ROBO1: variants seen among roughly 807,000 people sequenced by gnomAD.
The protein encoded by ROBO1 is roundabout homolog 1.
Under a neutral mutation model 195.9 loss-of-function variants are expected in ROBO1, and 149 were observed. That is an observed-to-expected ratio of 0.76 (90% CI 0.67 to 0.87). ROBO1 has a LOEUF of 0.87. ROBO1 is among the 40% of genes least tolerant of loss of function. The pLI is 0.00. For synonymous variants in ROBO1, 816 were observed against 733.2 expected, an observed-to-expected ratio of 1.11 and a Z score of -1.82; for missense variants, 1,933 against 2,068.3, an observed-to-expected ratio of 0.93 and a Z score of 1.27.
intron 10 of ROBO1, among the ~76,000 whole-genome samples, chr3:78,673,188 C>T (rs183187418): frequency 1.3e-5 from 2 of 152,040 alleles, no homozygotes; most frequent in Admixed American, 1.3e-4. Flanking sequence ...CATTCACTGC[C>T]TCAGTTTCTT....
chr3:78,900,776 G>C (rs888144614), intron 4 of ROBO1, among the ~76,000 whole-genome samples: 2 of 151,674 alleles, frequency 1.3e-5, no homozygotes, highest in African/African-American at 4.8e-5. Flanking sequence ...TTGAGTCCCA[G>C]AATATGTTAA....
chr3:79,304,364 T>A (rs1180702105), intron 2 of ROBO1, among the ~76,000 whole-genome samples: 1 of 152,208 alleles, frequency 6.6e-6, no homozygotes, highest in African/African-American at 2.4e-5. Flanking sequence ...AAAAATACTA[T>A]ATTGAGGTAT....
intron 3 of ROBO1, among the ~76,000 whole-genome samples, chr3:79,122,228 A>T (rs1366602805): frequency 6.6e-6 from 1 of 152,034 alleles, no homozygotes; most frequent in Admixed American, 6.6e-5. Context: ...GAACTGTTAA[A>T]TAACCCCCAA....
chr3:79,220,583 C>T (rs1230150399), intron 2 of ROBO1, among the ~76,000 whole-genome samples: 1 of 151,800 alleles, frequency 6.6e-6, no homozygotes, highest in East Asian at 1.9e-4. Flanking sequence ...ATATAGGCTT[C>T]TAATTGCAAT....
chr3:79,411,829 G>T (rs2037780929), intron 2 of ROBO1, among the ~76,000 whole-genome samples: 1 of 152,084 alleles, frequency 6.6e-6, no homozygotes. Flanking sequence ...GAAATGCTAA[G>T]AACTGCAAAG....
chr3:79,576,778 T>C (rs186938127), intron 2 of ROBO1, among the ~76,000 whole-genome samples: 1 of 152,256 alleles, frequency 6.6e-6, no homozygotes, highest in Admixed American at 6.5e-5. Flanking sequence ...AGAAAATGAA[T>C]TCAGAAAAAG....
At chr3:79,048,720 A>G (rs2108357608) in intron 3 of ROBO1, among the ~76,000 whole-genome samples, 1 of 152,144 alleles carries the variant, frequency 6.6e-6, no homozygotes, top group Non-Finnish European at 1.5e-5. Context: ...TCACTAAGAA[A>G]ATAGCAGCCT....
intron 2 of ROBO1, among the ~76,000 whole-genome samples, chr3:79,512,370 CCTTA>C (rs1364200891): frequency 6.6e-6 from 1 of 151,892 alleles, no homozygotes; most frequent in East Asian, 1.9e-4. Flanking sequence ...TGTGATTATG[CCTTA>C]CTTCTAAAAT....
chr3:79,443,155 G>T (rs1325009698), intron 2 of ROBO1, among the ~76,000 whole-genome samples: 2 of 152,152 alleles, frequency 1.3e-5, no homozygotes, highest in East Asian at 3.9e-4. Flanking sequence ...GATCACTGGA[G>T]TAGGATAACA....
intron 3 of ROBO1, among the ~76,000 whole-genome samples, chr3:79,119,213 C>T (rs1274241398): frequency 6.6e-6 from 1 of 152,134 alleles, no homozygotes; most frequent in Non-Finnish European, 1.5e-5. Context: ...TTAAGATAAA[C>T]TGCTTTAAAC....
intron 2 of ROBO1, chr3:79,526,655 T>G (rs1034124239): frequency 6.6e-6 from 1 of 152,196 alleles, no homozygotes; most frequent in Admixed American, 6.5e-5. Context: ...ATCCAAGAAT[T>G]TGTGAAGTTC....
At chr3:78,730,514 TA>T (rs2082262858) in intron 5 of ROBO1, among the ~76,000 whole-genome samples, 1 of 147,894 alleles carries the variant, frequency 6.8e-6, no homozygotes, top group Admixed American at 7.0e-5. Flanking sequence ...GAAATATTCC[TA>T]AAATAGCTAC....
chr3:79,505,922 C>T (rs1940367088), intron 2 of ROBO1, among the ~76,000 whole-genome samples: 1 of 152,026 alleles, frequency 6.6e-6, no homozygotes, highest in African/African-American at 2.4e-5. Context: ...CAGGCCATGA[C>T]CACAGTGTAT....
chr3:79,141,573 T>C (rs1438547308), intron 2 of ROBO1, among the ~76,000 whole-genome samples: 2 of 151,306 alleles, frequency 1.3e-5, no homozygotes, highest in African/African-American at 4.8e-5. Context: ...TGTTGTTTTT[T>C]TTTTTTTTCT....
chr3:79,686,919 G>A (rs1221855502), intron 1 of ROBO1, among the ~76,000 whole-genome samples: 1 of 151,944 alleles, frequency 6.6e-6, no homozygotes, highest in Non-Finnish European at 1.5e-5. Context: ...AGTCAATCCT[G>A]AACCAAAAGA....
At chr3:79,073,518 G>C (rs1026684541) in intron 3 of ROBO1, among the ~76,000 whole-genome samples, 4 of 151,874 alleles carry the variant, frequency 2.6e-5, no homozygotes, top group African/African-American at 9.7e-5. Flanking sequence ...TCTTAGGACA[G>C]TGCCATAGGG....
At chr3:79,614,908 G>A (rs73120835) in intron 1 of ROBO1, among the ~76,000 whole-genome samples, 1 of 151,820 alleles carries the variant, frequency 6.6e-6, no homozygotes, top group Non-Finnish European at 1.5e-5. Context: ...TTAAAAAATA[G>A]AAATAAAGAG....
At chr3:78,997,654 T>C (rs546410496) in intron 3 of ROBO1, among the ~76,000 whole-genome samples, 1 of 152,204 alleles carries the variant, frequency 6.6e-6, no homozygotes, top group South Asian at 2.1e-4. Flanking sequence ...AATTGACACA[T>C]TCTTACAGTA....
At chr3:78,635,216 G>A (rs926021680) in intron 23 of ROBO1, among the ~76,000 whole-genome samples, 5 of 151,968 alleles carry the variant, frequency 3.3e-5, no homozygotes, top group African/African-American at 7.3e-5. Flanking sequence ...GGTTCTATAC[G>A]GACAGACTTC....
Sources: gnomAD v4.1 joint callset for allele counts (sites outside exome capture counted in the v4.1 genomes callset) on GRCh38, gnomAD v4.1.1 for gene constraint, MANE v1.5 for transcripts, NCBI Gene and HGNC (gene_info 2026-07-23, HGNC 2026-07-21) for gene names.